The following GALNT14 variants were observed in gnomAD, a reference collection of about 807,000 sequenced individuals.
GALNT14 encodes polypeptide N-acetylgalactosaminyltransferase 14.
A neutral mutation model predicts 77.5 loss-of-function variants in GALNT14; 60 were observed. The ratio of observed to expected loss-of-function variants is 0.77; its 90% CI spans 0.63 to 0.96. The LOEUF (loss-of-function observed/expected upper bound fraction) is 0.96. Ranked by LOEUF, GALNT14 falls within the 40% of genes least tolerant of loss-of-function variation. The pLI, the probability that GALNT14 is intolerant of heterozygous loss-of-function variation, is 0.00. For synonymous variants in GALNT14, 280 were observed against 281.7 expected, an observed-to-expected ratio of 0.99 and a Z score of 0.06; for missense variants, 710 against 731.0, an observed-to-expected ratio of 0.97 and a Z score of 0.33.
rs780231419 is a variant in GALNT14, at chr2:30,992,983, G to A, written c.154C>T (p.Leu52=). Residue 52 remains leucine, a synonymous_variant, in exon 2 of 15, where the codon CTG becomes TTG. Transcript: ENST00000349752. ...CGCCGCTCATCAAACTGGTCCCACA[G>A]GTCGTCCCAGTCAGCGTCCGAAGGC... ...PKPSDADWDD[L]WDQFDERRYL... The A allele has an allele frequency of 2.5e-6, 4 of 1,614,106 alleles. No individual in the cohort carries two copies. Among genetic ancestry groups the A allele is most frequent in the Non-Finnish European group, 3.4e-6 (4 of 1,180,028 alleles).
intron 1 of GALNT14, among the ~76,000 whole-genome samples, chr2:31,099,613 C>T (rs1677168243): frequency 6.6e-6 from 1 of 151,908 alleles, no homozygotes; most frequent in Non-Finnish European, 1.5e-5. Context: ...TTATTTTCAC[C>T]CACAGGGCTA....
At position 31,125,221 on chromosome 2, in the gene GALNT14, C is replaced by T. The variant is rs920751094; in HGVS notation, c.129+12737G>A. 5.2e-6 allele frequency: 8 copies of T among 1,550,414 alleles called. No individual in the cohort carries two copies. In the African/African-American group the frequency reaches 9.6e-5, roughly 19 times the overall value. ...CAGGCACCTGAGGCGCCCAAGGGCTCATCCCAGCCACCTTGAAAAACAAGG... is the reference window on the plus strand; with the variant it reads ...CAGGCACCTGAGGCGCCCAAGGGCTTATCCCAGCCACCTTGAAAAACAAGG... On this transcript the variant is annotated intron_variant, in intron 1 of 14. Transcript: ENST00000349752.
At chr2:31,057,175 T>C (rs1674265376) in intron 1 of GALNT14, among the ~76,000 whole-genome samples, 1 of 151,354 alleles carries the variant, frequency 6.6e-6, no homozygotes, top group Non-Finnish European at 1.5e-5. Context: ...AACTAACTAT[T>C]CGGTACTATG....
intron 1 of GALNT14, among the ~76,000 whole-genome samples, chr2:31,101,083 C>G (rs1346829339): frequency 1.3e-5 from 2 of 151,970 alleles, no homozygotes; most frequent in African/African-American, 4.8e-5. Flanking sequence ...GAGTCAGGGA[C>G]CACCAGAATA....
chr2:30,897,116 C>G, the GALNT14 span, among the ~76,000 whole-genome samples: 1 of 152,122 alleles, frequency 6.6e-6, no homozygotes, highest in Non-Finnish European at 1.5e-5. Flanking sequence ...CTTTACCTGC[C>G]CCCCACTTTT....
intron 13 of GALNT14, among the ~76,000 whole-genome samples, chr2:30,922,227 A>G (rs1665075737): frequency 1.1e-5 from 1 of 88,434 alleles, no homozygotes; most frequent in Admixed American, 1.2e-4. Flanking sequence ...CAGTGTTGAG[A>G]AAGTCCAGGT....
At chr2:31,027,129 T>C (rs1172053615) in intron 1 of GALNT14, among the ~76,000 whole-genome samples, 3 of 152,228 alleles carry the variant, frequency 2.0e-5, no homozygotes, top group African/African-American at 4.8e-5. Context: ...GGCCCTTGCA[T>C]GAGTGTTAAA....
intron 3 of GALNT14, among the ~76,000 whole-genome samples, chr2:30,963,402 C>A (rs1012014721): frequency 6.6e-6 from 1 of 152,224 alleles, no homozygotes; most frequent in Non-Finnish European, 1.5e-5. Flanking sequence ...TTCTGCAGGC[C>A]ACAAAGCTCA....
intron 1 of GALNT14, among the ~76,000 whole-genome samples, chr2:31,134,896 A>G (rs1679159938): frequency 6.6e-6 from 1 of 152,168 alleles, no homozygotes; most frequent in African/African-American, 2.4e-5. Context: ...GCTTGGGCCA[A>G]ATTTTTCACC....
At chr2:31,023,148 G>GAAAAAC (rs370412226) in intron 1 of GALNT14, among the ~76,000 whole-genome samples, 57 of 143,052 alleles carry the variant, frequency 4.0e-4, no homozygotes, top group Non-Finnish European at 5.4e-4. Context: ...CTATAGTGGG[G>GAAAAAC]AAAAACAAAA....
At chr2:31,072,280 C>T (rs866555766) in intron 1 of GALNT14, among the ~76,000 whole-genome samples, 2 of 124,606 alleles carry the variant, frequency 1.6e-5, no homozygotes, top group African/African-American at 4.2e-5. Flanking sequence ...CACACACACA[C>T]ATACACACAC....
At chr2:31,116,825 A>C (rs1573371795) in intron 1 of GALNT14, among the ~76,000 whole-genome samples, 1 of 152,156 alleles carries the variant, frequency 6.6e-6, no homozygotes, top group Non-Finnish European at 1.5e-5. Context: ...CAGGCAGATC[A>C]CCTGAGGTCA....
At chr2:30,933,177 G>A (rs1168739443) in intron 9 of GALNT14, among the ~76,000 whole-genome samples, 1 of 152,164 alleles carries the variant, frequency 6.6e-6, no homozygotes. Context: ...GACTGTGAGT[G>A]TTATCATTGC....
At chr2:31,128,076 G>A (rs1417000123) in intron 1 of GALNT14, among the ~76,000 whole-genome samples, 1 of 152,076 alleles carries the variant, frequency 6.6e-6, no homozygotes, top group Non-Finnish European at 1.5e-5. Flanking sequence ...GAGCTTACTG[G>A]AACTGCAGAC....
intron 1 of GALNT14, among the ~76,000 whole-genome samples, chr2:31,123,168 C>T (rs561563348): frequency 5.3e-5 from 6 of 112,188 alleles, no homozygotes; most frequent in Admixed American, 1.4e-4. Context: ...GGCAACAGAG[C>T]GAGACTCCAT....
intron 1 of GALNT14, chr2:31,065,233 G>A (rs1046171531): frequency 6.6e-6 from 1 of 152,014 alleles, no homozygotes; most frequent in Non-Finnish European, 1.5e-5. Context: ...GAGGGCAAAG[G>A]TGATGTCTGA....
At position 30,958,434 on chromosome 2, in the gene GALNT14, G is replaced by A. The variant is rs1278493661; in HGVS notation, c.429C>T (p.Ile143=). 1 of 1,613,950 alleles carries A rather than the reference G, an allele frequency of 6.2e-7. No individual in the cohort carries two copies. The highest frequency in any genetic ancestry group is 8.5e-7 in the Non-Finnish European group (1 of 1,179,980). ...AGTCATCCACTAATATGATTTCCCG[G>A]ATCAGATGCGTAGGGGTGCGGTTTA... ...SVLNRTPTHL[I]REIILVDDFS... is the part of the protein sequence containing the mutation. The change falls in exon 4 of 15, where the codon ATC becomes ATT. Residue 143 remains isoleucine, a synonymous_variant. Coordinates refer to ENST00000349752, the MANE Select transcript of GALNT14 (RefSeq NM_024572.4).
chr2:31,066,580 C>T (rs953089221), intron 1 of GALNT14, among the ~76,000 whole-genome samples: 18 of 152,136 alleles, frequency 1.2e-4, no homozygotes, highest in Admixed American at 3.3e-4. Flanking sequence ...GAGTTGGACA[C>T]GAAGTACATC....
Position 30,956,066 on chromosome 2 carries a change from A to G in GALNT14, c.467-89T>C. On this transcript the variant is annotated intron_variant, in intron 4 of 14. Transcript: ENST00000349752. Reference sequence around the variant, plus strand: ...TGCACTGCAGGTGAACCTGAAGGGTAGGTGAGGCAGCCCTGTCCACTGTCC... The same window carrying G: ...TGCACTGCAGGTGAACCTGAAGGGTGGGTGAGGCAGCCCTGTCCACTGTCC... 4 of 1,298,556 alleles carry G rather than the reference A, an allele frequency of 3.1e-6. No homozygotes were observed. The South Asian group carries it at 3.6e-5, about 12-fold the overall frequency. The allele number at this position is 1,298,556 out of a possible 1,614,324, so 80.4% of individuals were successfully genotyped here.
Sources: gnomAD v4.1 joint callset for allele counts (sites outside exome capture counted in the v4.1 genomes callset) on GRCh38, gnomAD v4.1.1 for gene constraint, MANE v1.5 for transcripts, NCBI Gene and HGNC (gene_info 2026-07-23, HGNC 2026-07-21) for gene names.